ZNF407: variants seen among roughly 807,000 people sequenced by gnomAD.
ZNF407 encodes the protein zinc finger protein 407.
A neutral mutation model predicts 131.2 loss-of-function variants in ZNF407; 17 were observed. The observed-to-expected ratio is 0.13, with a 90% confidence interval of 0.09 to 0.19. ZNF407 has a LOEUF of 0.19. ZNF407 is among the 10% of genes least tolerant of loss of function. The probability of loss-of-function intolerance (pLI) is 1.00; values close to 1 mark genes in which losing one functional copy is unlikely to be tolerated. For missense variants in ZNF407, 2,681 were observed against 2,830.6 expected (o/e 0.95, Z 1.20); for synonymous variants, 1,156 against 1,062.0 (o/e 1.09, Z -1.72).
intron 4 of ZNF407, among the ~76,000 whole-genome samples, chr18:74,812,412 C>T (rs534189937): frequency 4.6e-5 from 7 of 152,266 alleles, no homozygotes; most frequent in African/African-American, 1.4e-4. Flanking sequence ...GAGAAAACAG[C>T]CAGAATTTGG....
chr18:74,784,432 T>G (rs1969666375), intron 4 of ZNF407, among the ~76,000 whole-genome samples: 1 of 152,230 alleles, frequency 6.6e-6, no homozygotes, highest in Non-Finnish European at 1.5e-5. Flanking sequence ...TGTACTATAA[T>G]GTTTGATGAT....
chr18:75,012,764 A>C (rs1972995392), intron 8 of ZNF407, among the ~76,000 whole-genome samples: 2 of 152,014 alleles, frequency 1.3e-5, no homozygotes, highest in African/African-American at 4.8e-5. Flanking sequence ...CTAATTTCAT[A>C]ATAGAAAAGA....
chr18:74,936,538 C>G (rs1354397698), intron 8 of ZNF407, among the ~76,000 whole-genome samples: 1 of 152,204 alleles, frequency 6.6e-6, no homozygotes, highest in Non-Finnish European at 1.5e-5. Flanking sequence ...CGCAGACTTA[C>G]CACCACCCAG....
At chr18:74,767,375 G>A (rs999473162) in intron 3 of ZNF407, among the ~76,000 whole-genome samples, 2 of 151,928 alleles carry the variant, frequency 1.3e-5, no homozygotes, top group Non-Finnish European at 1.5e-5. Context: ...ATGATCTTCC[G>A]GAAGCACTGC....
At chr18:75,001,375 T>C (rs1972843849) in intron 8 of ZNF407, among the ~76,000 whole-genome samples, 1 of 152,218 alleles carries the variant, frequency 6.6e-6, no homozygotes, top group Non-Finnish European at 1.5e-5. Flanking sequence ...CAGAAAGTTA[T>C]ATGATAAACG....
At position 74,715,468 on chromosome 18, in the gene ZNF407, G is replaced by A. The variant is rs540316374; in HGVS notation, c.4803-65960G>A. On this transcript the variant is annotated intron_variant, in intron 3 of 8. Transcript: ENST00000299687. The stretch of plus-strand genomic sequence containing the variant: ...ATGCAGTGCGAGCGGTGGTGGAGGC[G>A]CTGGTGACTGGAGATGCCTTGGCAG... 1.2e-3 allele frequency among the ~76,000 whole-genome samples: 179 copies of A among 152,276 alleles called. 1 individual carries two copies. Among genetic ancestry groups the A allele is most frequent in the Non-Finnish European group, 2.3e-3 (155 of 68,028 alleles).
chr18:74,681,613 G>A (rs185945282), intron 3 of ZNF407, among the ~76,000 whole-genome samples: 10 of 152,260 alleles, frequency 6.6e-5, no homozygotes, highest in East Asian at 3.9e-4. Flanking sequence ...AGATTTGTAC[G>A]ATGTCTTTAC....
intron 4 of ZNF407, chr18:74,804,668 G>T: frequency 1.1e-6 from 1 of 923,390 alleles, no homozygotes; most frequent in Non-Finnish European, 1.3e-6. Context: ...TTTCATATGT[G>T]CTCACATTTC....
chr18:74,856,141 A>G (rs1198185050), intron 4 of ZNF407, among the ~76,000 whole-genome samples: 5 of 152,352 alleles, frequency 3.3e-5, no homozygotes, highest in African/African-American at 9.6e-5. Flanking sequence ...ATTATCATAA[A>G]TATTGGAGAT....
At chr18:74,608,758 A>T (rs923773696) in intron 1 of ZNF407, among the ~76,000 whole-genome samples, 4 of 152,218 alleles carry the variant, frequency 2.6e-5, no homozygotes, top group Non-Finnish European at 5.9e-5. Context: ...CTTTCTTGTT[A>T]AATTGAGGTT....
In ZNF407 at chr18:74,877,314, C is replaced by T. The variant is rs1568251697; in HGVS notation, c.4995C>T (p.Tyr1665=). ...AATGTACCTGGCCCACGTGCCATTA[C>T]TCATTCCTCACAGCCTCCGCAATGA... The part of the protein sequence containing the change: ...PFKCTWPTCH[Y]SFLTASAMKD... Residue 1665 remains tyrosine (Y), a synonymous_variant, in exon 5 of 9, where the codon TAC becomes TAT. Transcript: ENST00000299687. The T allele has an allele frequency of 6.2e-7, 1 of 1,613,894 alleles. No individual in the cohort carries two copies.
chr18:74,804,513 G>A, intron 4 of ZNF407: 2 of 987,776 alleles, frequency 2.0e-6, no homozygotes, highest in Non-Finnish European at 1.2e-6. Flanking sequence ...TTCACACTCA[G>A]ATGCAAAAAT....
chr18:74,945,123 G>C (rs576315718), intron 8 of ZNF407, among the ~76,000 whole-genome samples: 1 of 152,048 alleles, frequency 6.6e-6, no homozygotes, highest in Non-Finnish European at 1.5e-5. Context: ...TTTTTAACCC[G>C]GGTAGAAGTG....
chr18:74,868,441 C>T (rs917239457), intron 4 of ZNF407, among the ~76,000 whole-genome samples: 6 of 151,998 alleles, frequency 3.9e-5, no homozygotes, highest in African/African-American at 9.7e-5. Context: ...AAAGCAAGCA[C>T]GAAGAATGAT....
In ZNF407 at chr18:75,063,047, G is replaced by T; in HGVS notation, c.5429-103G>T. On this transcript the variant is annotated intron_variant, in intron 8 of 8. Coordinates refer to ENST00000299687, the MANE Select transcript of ZNF407 (RefSeq NM_017757.3). This position sits in a 1 kb window ranked among gnomAD's most constrained non-coding sequence, Gnocchi z 6.6. ...TCTTCAGGGTTTGGAATAGGGGGTCGTGGTGACTCTGCTGAGGCCTGAGCG... is the reference window on the plus strand; with the variant it reads ...TCTTCAGGGTTTGGAATAGGGGGTCTTGGTGACTCTGCTGAGGCCTGAGCG... The T allele has an allele frequency of 9.2e-7, 1 of 1,085,886 alleles. No homozygotes were observed. The highest frequency in any genetic ancestry group is 2.4e-5 in the East Asian group (1 of 41,528). The allele number at this position is 1,085,886 out of a possible 1,614,324, so 67.3% of individuals were successfully genotyped here.
At chr18:74,743,860 G>T (rs888266647) in intron 3 of ZNF407, among the ~76,000 whole-genome samples, 3 of 151,992 alleles carry the variant, frequency 2.0e-5, no homozygotes, top group African/African-American at 7.3e-5. Flanking sequence ...ATGTGTTTTA[G>T]AGTTAATTGG....
At chr18:74,667,639 G>C (rs1200131191) in intron 3 of ZNF407, among the ~76,000 whole-genome samples, 1 of 152,190 alleles carries the variant, frequency 6.6e-6, no homozygotes, top group South Asian at 2.1e-4. Context: ...AAGTGTGCTT[G>C]TAGCTCATTG....
In ZNF407 at chr18:74,633,160, C is replaced by T. The variant is rs1192137110; in HGVS notation, c.2141C>T (p.Thr714Ile). 1 of 1,613,006 alleles carries T rather than the reference C, an allele frequency of 6.2e-7. No homozygotes were observed. Among genetic ancestry groups the T allele is most frequent in the East Asian group, 2.2e-5 (1 of 44,862 alleles). Residue 714 changes from threonine to isoleucine, a missense_variant, in exon 2 of 9, where the codon ACA becomes ATA. Physicochemically the swap from Thr to Ile is moderately conservative, Grantham distance 89. This residue lies in a region of ZNF407 where 1,789 missense variants were observed against 1,748.7 expected (regional missense o/e 1.02). Transcript: ENST00000299687. ...QFQCKKCFYK[T>I]RSSTVLTRHI... ...CAGTGTAAGAAGTGTTTTTATAAAACAAGATCTTCTACTGTTCTCACGAGA... is the reference window on the plus strand; with the variant it reads ...CAGTGTAAGAAGTGTTTTTATAAAATAAGATCTTCTACTGTTCTCACGAGA...
At chr18:74,785,201 G>C (rs919978117) in intron 4 of ZNF407, among the ~76,000 whole-genome samples, 56 of 152,166 alleles carry the variant, frequency 3.7e-4, no homozygotes, top group African/African-American at 1.4e-3. Flanking sequence ...ATTTCTTCCA[G>C]TGCAGCCATT....
Sources: gnomAD v4.1 joint callset for allele counts (sites outside exome capture counted in the v4.1 genomes callset) on GRCh38, gnomAD v4.1.1 for gene constraint, gnomAD v4.1.1 regional missense constraint, Gnocchi (gnomAD v3.1) non-coding constraint, MANE v1.5 for transcripts, NCBI Gene and HGNC (gene_info 2026-07-23, HGNC 2026-07-21) for gene names.